CTNND2: variants seen among roughly 807,000 people sequenced by gnomAD.
CTNND2 encodes the protein catenin delta 2, also known as catenin delta-2.
Under a neutral mutation model 144.4 loss-of-function variants are expected in CTNND2, and 22 were observed. The ratio of observed to expected loss-of-function variants is 0.15; its 90% CI spans 0.11 to 0.22. CTNND2 has a LOEUF of 0.22. CTNND2 is among the 10% of genes least tolerant of loss of function. The pLI is 1.00. For synonymous variants in CTNND2, 751 were observed against 695.6 expected, an observed-to-expected ratio of 1.08 and a Z score of -1.25; for missense variants, 1,353 against 1,618.8, an observed-to-expected ratio of 0.84 and a Z score of 2.82.
At chr5:11,219,902 G>C (rs981639227) in intron 10 of CTNND2, among the ~76,000 whole-genome samples, 1 of 152,166 alleles carries the variant, frequency 6.6e-6, no homozygotes, top group South Asian at 2.1e-4. Context: ...CTTAGAATAG[G>C]GTAGAGTTGT....
At chr5:11,713,760 T>G (rs1397279768) in intron 2 of CTNND2, among the ~76,000 whole-genome samples, 1 of 152,132 alleles carries the variant, frequency 6.6e-6, no homozygotes, top group Admixed American at 6.6e-5. Context: ...ACACAGAGCC[T>G]TAATTCTGCA....
At chr5:11,274,789 A>G (rs562222789) in intron 9 of CTNND2, among the ~76,000 whole-genome samples, 2 of 152,314 alleles carry the variant, frequency 1.3e-5, no homozygotes, top group South Asian at 4.1e-4. Flanking sequence ...TATTGTTGTT[A>G]TTGTTGTTGT....
intron 1 of CTNND2, among the ~76,000 whole-genome samples, chr5:11,793,597 T>C (rs1791250967): frequency 6.6e-6 from 1 of 152,200 alleles, no homozygotes; most frequent in Non-Finnish European, 1.5e-5. Flanking sequence ...ACTGGAGTGA[T>C]GCTGCCACCA....
intron 5 of CTNND2, among the ~76,000 whole-genome samples, chr5:11,401,650 T>C (rs978759742): frequency 5.3e-5 from 8 of 152,312 alleles, no homozygotes; most frequent in African/African-American, 1.7e-4. Flanking sequence ...GCAGTTTCCA[T>C]CTACTAACCC....
At chr5:11,061,056 T>C (rs1445104093) in intron 16 of CTNND2, among the ~76,000 whole-genome samples, 1 of 152,222 alleles carries the variant, frequency 6.6e-6, no homozygotes, top group East Asian at 1.9e-4. Context: ...GCATGTCCCC[T>C]TTCATGTCTC....
At chr5:11,568,427 G>C (rs1358960600) in intron 2 of CTNND2, among the ~76,000 whole-genome samples, 2 of 152,076 alleles carry the variant, frequency 1.3e-5, no homozygotes, top group Non-Finnish European at 2.9e-5. Flanking sequence ...AGGGAAAACT[G>C]TTTGGGCCTT....
chr5:10,977,062 C>T (rs1736582178), intron 21 of CTNND2, among the ~76,000 whole-genome samples: 1 of 152,182 alleles, frequency 6.6e-6, no homozygotes, highest in South Asian at 2.1e-4. Flanking sequence ...GGAATTCTGG[C>T]TCATGCTCCA....
At chr5:11,592,923 A>T (rs2150144502) in intron 2 of CTNND2, among the ~76,000 whole-genome samples, 1 of 152,012 alleles carries the variant, frequency 6.6e-6, no homozygotes, top group African/African-American at 2.4e-5. Context: ...CAAAAAGAAC[A>T]GTGGAGCAGA....
chr5:11,242,667 C>G (rs983071509), intron 9 of CTNND2, among the ~76,000 whole-genome samples: 1 of 152,312 alleles, frequency 6.6e-6, no homozygotes, highest in South Asian at 2.1e-4. Flanking sequence ...AGTTGAGAAG[C>G]TCTGGTCTCA....
intron 15 of CTNND2, among the ~76,000 whole-genome samples, chr5:11,089,389 C>G (rs1461480975): frequency 6.6e-6 from 1 of 152,182 alleles, no homozygotes; most frequent in Non-Finnish European, 1.5e-5. Flanking sequence ...TCATGGATGG[C>G]CCTGTGCCGG....
chr5:11,188,232 G>A (rs1442560911), intron 11 of CTNND2, among the ~76,000 whole-genome samples: 1 of 152,000 alleles, frequency 6.6e-6, no homozygotes, highest in East Asian at 1.9e-4. Flanking sequence ...ACTGGATAAA[G>A]AAAATGTGGT....
At chr5:11,382,973 C>A (rs1758668544) in intron 7 of CTNND2, among the ~76,000 whole-genome samples, 1 of 152,114 alleles carries the variant, frequency 6.6e-6, no homozygotes, top group East Asian at 1.9e-4. Context: ...ACTTTTACTA[C>A]CTCTTCTTAG....
intron 11 of CTNND2, among the ~76,000 whole-genome samples, chr5:11,183,965 G>A (rs747066647): frequency 1.3e-5 from 2 of 151,918 alleles, no homozygotes; most frequent in African/African-American, 4.8e-5. Context: ...ACAAGCATGC[G>A]TAGAACCAAT....
At chr5:11,433,135 A>T (rs985780946) in intron 3 of CTNND2, among the ~76,000 whole-genome samples, 1 of 151,854 alleles carries the variant, frequency 6.6e-6, no homozygotes, top group Non-Finnish European at 1.5e-5. Flanking sequence ...AGTCCCAGCT[A>T]CTTGGGAGGC....
chr5:11,443,897 G>C (rs1371646784), intron 3 of CTNND2, among the ~76,000 whole-genome samples: 1 of 152,168 alleles, frequency 6.6e-6, no homozygotes, highest in African/African-American at 2.4e-5. Context: ...TTGGATAATA[G>C]TAGTTTCCTT....
At chr5:11,396,268 C>T (rs540687232) in intron 6 of CTNND2, among the ~76,000 whole-genome samples, 7 of 152,092 alleles carry the variant, frequency 4.6e-5, no homozygotes, top group East Asian at 1.9e-4. Flanking sequence ...TTAACTCTGG[C>T]GTGATGATCA....
intron 9 of CTNND2, among the ~76,000 whole-genome samples, chr5:11,331,630 G>GACT (rs1753149251): frequency 6.6e-6 from 1 of 152,068 alleles, no homozygotes; most frequent in Non-Finnish European, 1.5e-5. Flanking sequence ...GAACATACCT[G>GACT]ACTATTTGTA....
intron 1 of CTNND2, among the ~76,000 whole-genome samples, chr5:11,774,562 AAAAAAAAAAAC>A (rs1790143677): frequency 2.0e-5 from 1 of 50,062 alleles, no homozygotes; most frequent in Non-Finnish European, 7.7e-5. Context: ...AAAAAAAATT[AAAAAAAAAAAC>A]AATGATGGCT....
chr5:11,107,253 G>A (rs1752514469), intron 14 of CTNND2, among the ~76,000 whole-genome samples: 1 of 152,172 alleles, frequency 6.6e-6, no homozygotes, highest in Admixed American at 6.5e-5. Context: ...TGTTAACTAT[G>A]TAAATGTATA....
Sources: gnomAD v4.1 joint callset for allele counts (sites outside exome capture counted in the v4.1 genomes callset) on GRCh38, gnomAD v4.1.1 for gene constraint, MANE v1.5 for transcripts, NCBI Gene and HGNC (gene_info 2026-07-23, HGNC 2026-07-21) for gene names.